WDR59: variants seen among roughly 807,000 people sequenced by gnomAD.
The protein encoded by WDR59 is GATOR2 complex protein WDR59.
In WDR59, 100 loss-of-function variants were observed where a neutral mutation model predicts 131.2. That is an observed-to-expected ratio of 0.76 (90% CI 0.65 to 0.90). The LOEUF is 0.90. Among genes scored for constraint, WDR59 ranks in the 40% least tolerant of loss-of-function variants. The pLI, the probability that WDR59 is intolerant of heterozygous loss-of-function variation, is 0.00. For missense variants in WDR59, 1,203 were observed against 1,262.2 expected (o/e 0.95, Z 0.71); for synonymous variants, 601 against 466.2 (o/e 1.29, Z -3.72).
At chr16:74,930,053 G>C (rs181546941) in intron 8 of WDR59, among the ~76,000 whole-genome samples, 28 of 152,120 alleles carry the variant, frequency 1.8e-4, no homozygotes, top group Admixed American at 6.5e-4. Flanking sequence ...GGGGTAGAGC[G>C]GGGGGAGCCA....
intron 3 of WDR59, among the ~76,000 whole-genome samples, chr16:74,952,204 C>T (rs778756182): frequency 4.0e-5 from 6 of 151,616 alleles, no homozygotes; most frequent in Non-Finnish European, 7.4e-5. Flanking sequence ...CCTGTAATCC[C>T]AGCACTTTAA....
chr16:74,966,029 G>A (rs1417939590), intron 1 of WDR59, among the ~76,000 whole-genome samples: 2 of 152,126 alleles, frequency 1.3e-5, no homozygotes, highest in African/African-American at 4.8e-5. Flanking sequence ...TGTAGAGACA[G>A]GGTCTTGCTA....
intron 2 of WDR59, among the ~76,000 whole-genome samples, chr16:74,956,923 G>T (rs1257346766): frequency 2.0e-5 from 3 of 151,998 alleles, no homozygotes; most frequent in Non-Finnish European, 4.4e-5. Context: ...CCCAGCTAGG[G>T]TTAATTACTG....
At chr16:74,939,318 A>T (rs897350483) in intron 7 of WDR59, among the ~76,000 whole-genome samples, 15 of 152,194 alleles carry the variant, frequency 9.9e-5, no homozygotes, top group Admixed American at 6.5e-4. Context: ...TCTTGGTGTT[A>T]TCTGAAACAC....
At chr16:74,981,399 C>A (rs1267998557) in intron 1 of WDR59, among the ~76,000 whole-genome samples, 1 of 146,682 alleles carries the variant, frequency 6.8e-6, no homozygotes, top group African/African-American at 2.5e-5. Context: ...AAAAAACACA[C>A]ACACACAAAA....
At chr16:74,897,168 G>T (rs1370148397) in intron 18 of WDR59, among the ~76,000 whole-genome samples, 1 of 152,120 alleles carries the variant, frequency 6.6e-6, no homozygotes, top group Non-Finnish European at 1.5e-5. Flanking sequence ...CACTTCTTTA[G>T]TCACTTTCTG....
At chr16:74,967,213 C>A (rs937293252) in intron 1 of WDR59, among the ~76,000 whole-genome samples, 1 of 152,118 alleles carries the variant, frequency 6.6e-6, no homozygotes, top group African/African-American at 2.4e-5. Context: ...GTACTCTCAC[C>A]GGAGGCTGCA....
At chr16:74,937,067 TA>T (rs1369829908) in intron 8 of WDR59, among the ~76,000 whole-genome samples, 6 of 152,304 alleles carry the variant, frequency 3.9e-5, no homozygotes, top group East Asian at 3.9e-4. Context: ...ATAAAATTGC[TA>T]AACCAATTTC....
At chr16:74,917,143 G>A (rs1447998590) in intron 11 of WDR59, among the ~76,000 whole-genome samples, 1 of 152,196 alleles carries the variant, frequency 6.6e-6, no homozygotes, top group African/African-American at 2.4e-5. Flanking sequence ...ATAAGGCAGA[G>A]CAGAGCAAGG....
Position 74,874,902 on chromosome 16 carries a change from G to GT in WDR59, c.2690-459dup, listed in dbSNP as rs1247407521. The stretch of plus-strand genomic sequence containing the variant: ...CACTGTGCCCAGCCTGTTTTTTTTT[G>GT]TTTTTTTTACACCAGAACTCCTTCT... On this transcript the variant is annotated intron_variant, in intron 25 of 25. Transcript: ENST00000262144. 2.7e-3 allele frequency among the ~76,000 whole-genome samples: 409 copies of GT among 150,710 alleles called. 3 individuals carry two copies. The highest frequency in any genetic ancestry group is 3.4e-3 in the Middle Eastern group (1 of 294).
intron 2 of WDR59, among the ~76,000 whole-genome samples, chr16:74,959,851 GGAA>G (rs978738448): frequency 1.3e-4 from 20 of 149,148 alleles, no homozygotes; most frequent in Non-Finnish European, 2.2e-4. Context: ...AAAAAAAAGA[GGAA>G]GAAGAAAAGA....
intron 10 of WDR59, among the ~76,000 whole-genome samples, chr16:74,919,872 C>A (rs2030001488): frequency 6.6e-6 from 1 of 151,976 alleles, no homozygotes; most frequent in Non-Finnish European, 1.5e-5. Context: ...AAATTGATGA[C>A]TACCAGCCTG....
At chr16:74,875,212 G>T (rs28688292) in intron 25 of WDR59, among the ~76,000 whole-genome samples, 1 of 152,226 alleles carries the variant, frequency 6.6e-6, no homozygotes, top group African/African-American at 2.4e-5. Flanking sequence ...CCGCCGGGCG[G>T]GGACTGGTTC....
chr16:74,918,588 A>C (rs1966502991), intron 10 of WDR59, among the ~76,000 whole-genome samples: 1 of 152,230 alleles, frequency 6.6e-6, no homozygotes, highest in Admixed American at 6.5e-5. Context: ...TAATTGACTG[A>C]ATCATATTTT....
chr16:74,944,701 A>T (rs1472686810), intron 6 of WDR59, among the ~76,000 whole-genome samples: 1 of 152,154 alleles, frequency 6.6e-6, no homozygotes, highest in Non-Finnish European at 1.5e-5. Flanking sequence ...CAAGCCTCTC[A>T]CTTGCCTCTT....
chr16:74,886,564 CT>C (rs200602693), intron 23 of WDR59, 168 bp from the exon 24 acceptor site: 13,852 of 866,956 alleles, frequency 0.016, 151 homozygotes, highest in Non-Finnish European at 0.019. Flanking sequence ...CTACCCTTGC[CT>C]TTTTGCGCAG....
intron 21 of WDR59, 74 bp from the exon 22 acceptor site, chr16:74,888,393 G>C: frequency 2.1e-6 from 3 of 1,451,938 alleles, no homozygotes; most frequent in Non-Finnish European, 2.8e-6. Context: ...CAGTCATGGC[G>C]TGTTACTGCC....
chr16:74,959,587 C>A (rs971134391), intron 2 of WDR59: 38 of 442,018 alleles, frequency 8.6e-5, no homozygotes, highest in Non-Finnish European at 1.5e-4. Context: ...CCTGGCAAGA[C>A]CTTATCTGCA....
At chr16:74,890,794 G>A (rs535329808) in intron 20 of WDR59, among the ~76,000 whole-genome samples, 1 of 152,226 alleles carries the variant, frequency 6.6e-6, no homozygotes, top group South Asian at 2.1e-4. Flanking sequence ...CATGTCATAA[G>A]CAAAGTTCCC....
Sources: gnomAD v4.1 joint callset for allele counts (sites outside exome capture counted in the v4.1 genomes callset) on GRCh38, gnomAD v4.1.1 for gene constraint, MANE v1.5 for transcripts, NCBI Gene and HGNC (gene_info 2026-07-23, HGNC 2026-07-21) for gene names.